Variants in NCKIPSD observed in about 807,000 individuals in gnomAD.
The protein encoded by NCKIPSD is NCK interacting protein with SH3 domain.
A neutral mutation model predicts 73.4 loss-of-function variants in NCKIPSD; 48 were observed. That is an observed-to-expected ratio of 0.65 (90% CI 0.52 to 0.83). The LOEUF (loss-of-function observed/expected upper bound fraction) is 0.83. Among genes scored for constraint, NCKIPSD ranks in the 40% least tolerant of loss-of-function variants. NCKIPSD has a pLI of 0.00. For missense variants in NCKIPSD, 884 were observed against 970.2 expected (o/e 0.91, Z 1.18); for synonymous variants, 422 against 403.6 (o/e 1.05, Z -0.54).
Position 48,681,579 on chromosome 3 carries a change from G to T in NCKIPSD, c.800C>A (p.Ala267Glu). The T allele has an allele frequency of 6.2e-7, 1 of 1,614,038 alleles. No homozygotes were observed. The highest frequency in any genetic ancestry group is 8.5e-7 in the Non-Finnish European group (1 of 1,180,036). The change falls in exon 5 of 13, where the codon GCA (alanine) becomes GAA (glutamate). Residue 267 changes from alanine to glutamate, a missense_variant. Ala to Glu is a moderately radical substitution (Grantham distance 107). Transcript: ENST00000294129. ...QVQPPPSKASAPEPPAEEEVA... is the reference protein window; with the variant it reads ...QVQPPPSKASEPEPPAEEEVA... ...TTCTTCTTCTGCAGGGGGTTCAGGT[G>T]CTGATGCCTTGGAGGGAGGGGGCTG...
chr3:48,677,522 T>C (rs1172743488), intron 12 of NCKIPSD, among the ~76,000 whole-genome samples: 3 of 152,104 alleles, frequency 2.0e-5, no homozygotes, highest in Non-Finnish European at 4.4e-5. Flanking sequence ...CATTTACTGC[T>C]TCCAACCCTC....
rs891083688 is a variant in NCKIPSD, at chr3:48,685,813, C to T, written c.-6G>A. On this transcript the variant is annotated 5_prime_UTR_variant, in exon 1 of 13. Transcript: ENST00000294129. ...GCGTACAGCGCGCGGTACATGAGGC[C>T]GGGCAGGGCAGGTGCAGGGAAGGTG... 4.1e-6 allele frequency: 6 copies of T among 1,475,274 alleles called. No homozygotes were observed. Among genetic ancestry groups the T allele is most frequent in the Admixed American group, 4.9e-5 (2 of 40,792 alleles). 91.4% of individuals were successfully genotyped at this position (1,475,274 alleles called of 1,614,324 possible). A position where few individuals can be genotyped will look rare whatever the true frequency, so the allele number is the denominator to read the frequency against.
At position 48,683,026 on chromosome 3, in the gene NCKIPSD, G is replaced by A. The variant is rs1054670457; in HGVS notation, c.172-14C>T. ...CTGCTCCAGGCCCTGGGGGGGGCAG[G>A]GGACAGCAGTTAGACCTGAAGGCCA... On this transcript the variant is annotated splice_polypyrimidine_tract_variant and intron_variant, in intron 1 of 12. Coordinates refer to ENST00000294129, the MANE Select transcript of NCKIPSD (RefSeq NM_016453.4). 1.3e-6 allele frequency: 2 copies of A among 1,548,972 alleles called. No individual in the cohort carries two copies. Among genetic ancestry groups the A allele is most frequent in the African/African-American group, 1.4e-5 (1 of 73,010 alleles).
Position 48,678,723 on chromosome 3 carries a change from G to A in NCKIPSD, c.1806C>T (p.Arg602=), listed in dbSNP as rs773850093. The part of the protein sequence containing the change: ...LLLNRGDDPV[R]IFKHEPQPPH... ...GTGGCTGTGGCTCATGTTTGAAGATGCGCACAGGGTCATCTAGGAGGCAGG... is the reference window on the plus strand; with the variant it reads ...GTGGCTGTGGCTCATGTTTGAAGATACGCACAGGGTCATCTAGGAGGCAGG... Residue 602 remains arginine, a synonymous_variant, in exon 12 of 13, where the codon CGC becomes CGT. Transcript: ENST00000294129. 2 of 1,613,720 alleles carry A rather than the reference G, an allele frequency of 1.2e-6. No homozygotes were observed. The highest frequency in any genetic ancestry group is 3.3e-5 in the Admixed American group (2 of 59,976).
chr3:48,684,955 AAGGTTGGTAGAGACTT>A (rs1398602793), intron 1 of NCKIPSD, among the ~76,000 whole-genome samples: 2 of 151,794 alleles, frequency 1.3e-5, no homozygotes, highest in Non-Finnish European at 2.9e-5. Context: ...TGGTTCAAAT[AAGGTTGGTAGAGACTT>A]AAGAAGAGCT....
Position 48,679,666 on chromosome 3 carries a change from G to A in NCKIPSD, c.1398C>T (p.Ala466=). Reference sequence around the variant, plus strand: ...TGATGGCTGCATCCAGGCTGCACATGGCGCCAAAGCACTTGAGGAGCAGCA... The same window carrying A: ...TGATGGCTGCATCCAGGCTGCACATAGCGCCAAAGCACTTGAGGAGCAGCA... ...LRLLLLKCFG[A]MCSLDAAIIS... Residue 466 remains alanine, a synonymous_variant, in exon 8 of 13, where the codon GCC becomes GCT. Coordinates refer to ENST00000294129, the MANE Select transcript of NCKIPSD (RefSeq NM_016453.4). 6.2e-7 allele frequency: 1 copy of A among 1,614,198 alleles called. No individual in the cohort carries two copies. Among genetic ancestry groups the A allele is most frequent in the Non-Finnish European group, 8.5e-7 (1 of 1,180,042 alleles).
chr3:48,679,080 A>C lies in NCKIPSD; in HGVS notation c.1674T>G (p.Leu558=). 1 of 1,614,094 alleles carries C rather than the reference A, an allele frequency of 6.2e-7. No individual in the cohort carries two copies. Among genetic ancestry groups the C allele is most frequent in the East Asian group, 2.2e-5 (1 of 44,870 alleles). Residue 558 remains leucine (L), a synonymous_variant, in exon 10 of 13, where the codon CTT becomes CTG. Transcript: ENST00000294129. ...EQLPDLCVNL[L]LALNLHLPAA... Reference sequence around the variant, plus strand: ...CTGGCAGGTGCAGGTTGAGAGCCAGAAGCAGGTTCACGCAGAGGTCCGGCA... The same window carrying C: ...CTGGCAGGTGCAGGTTGAGAGCCAGCAGCAGGTTCACGCAGAGGTCCGGCA...
Position 48,685,757 on chromosome 3 carries a change from C to G in NCKIPSD, c.51G>C (p.Ala17=). 1 of 1,532,960 alleles carries G rather than the reference C, an allele frequency of 6.5e-7. No individual in the cohort carries two copies. The highest frequency in any genetic ancestry group is 1.2e-5 in the South Asian group (1 of 83,624). 95.0% of individuals were successfully genotyped at this position (1,532,960 alleles called of 1,614,324 possible). A position where few individuals can be genotyped will look rare whatever the true frequency, so the allele number is the denominator to read the frequency against. ...AFRSAEPNAL[A]FAAGETFLVL... is the part of the protein sequence containing the mutation. ...CCAGGAAGGTCTCGCCCGCGGCGAACGCCAGCGCGTTGGGCTCCGCCGAGC... is the reference window on the plus strand; with the variant it reads ...CCAGGAAGGTCTCGCCCGCGGCGAAGGCCAGCGCGTTGGGCTCCGCCGAGC... The change falls in exon 1 of 13, where the codon GCG becomes GCC. Residue 17 remains alanine, a synonymous_variant. Coordinates refer to ENST00000294129, the MANE Select transcript of NCKIPSD (RefSeq NM_016453.4).
intron 1 of NCKIPSD, among the ~76,000 whole-genome samples, chr3:48,684,228 G>A (rs1307636028): frequency 4.6e-5 from 7 of 152,106 alleles, no homozygotes; most frequent in Non-Finnish European, 7.4e-5. Context: ...AAAGAGACAC[G>A]CAGAAAGAAA....
Position 48,674,117 on chromosome 3 carries a change from A to C in NCKIPSD, c.*427T>G. On this transcript the variant is annotated 3_prime_UTR_variant, in exon 13 of 13. Transcript: ENST00000294129. Reference sequence around the variant, plus strand: ...GAGGACATGAGCAGCACTCACTGCAAAGCTAAGGCAAAGAATAGAGCTGGT... The same window carrying C: ...GAGGACATGAGCAGCACTCACTGCACAGCTAAGGCAAAGAATAGAGCTGGT... 1 of 1,114,164 alleles carries C rather than the reference A, an allele frequency of 9.0e-7. No homozygotes were observed. Among genetic ancestry groups the C allele is most frequent in the Non-Finnish European group, 1.1e-6 (1 of 908,178 alleles). The allele number at this position is 1,114,164 out of a possible 1,614,324, so 69.0% of individuals were successfully genotyped here. A position where few individuals can be genotyped will look rare whatever the true frequency, so the allele number is the denominator to read the frequency against.
In NCKIPSD at chr3:48,682,136, C is replaced by G. The variant is rs1374408714; in HGVS notation, c.507G>C (p.Gln169His). ...GLYQIPLPSS[Q>H]IPPQPRRAAP... ...CTGCTCGGCGAGGCTGTGGTGGGAT[C>G]TGGGAAGATGGAAGTGGGATCTGGA... Residue 169 changes from glutamine to histidine, a missense_variant, in exon 4 of 13, where the codon CAG (glutamine) becomes CAC (histidine). Physicochemically the swap from Gln to His is conservative, Grantham distance 24. Coordinates refer to ENST00000294129, the MANE Select transcript of NCKIPSD (RefSeq NM_016453.4). 1 of 1,598,552 alleles carries G rather than the reference C, an allele frequency of 6.3e-7. No homozygotes were observed. Among genetic ancestry groups the G allele is most frequent in the Non-Finnish European group, 8.5e-7 (1 of 1,178,942 alleles).
At chr3:48,682,274 T>A in intron 3 of NCKIPSD, 74 bp downstream of exon 3, 1 of 1,592,946 alleles carries the variant, frequency 6.3e-7, no homozygotes, top group Non-Finnish European at 8.6e-7. Flanking sequence ...CACTCCTGAG[T>A]GGACCCCTTG....
At chr3:48,679,234 G>A (rs768759223) in intron 9 of NCKIPSD, 51 bp from the exon 10 acceptor site, 24 of 1,434,564 alleles carry the variant, frequency 1.7e-5, no homozygotes, top group African/African-American at 8.7e-5. Context: ...TCCGACCCCC[G>A]CACCACCCAC....
rs1428374475 is a variant in NCKIPSD at position 48,682,554 on chromosome 3, T to C, written c.282-2A>G. 6.2e-7 allele frequency: 1 copy of C among 1,613,712 alleles called. No homozygotes were observed. Among genetic ancestry groups the C allele is most frequent in the Non-Finnish European group, 8.5e-7 (1 of 1,179,872 alleles). On this transcript the variant is annotated splice_acceptor_variant, in intron 2 of 12. Transcript: ENST00000294129. LOFTEE classifies it high-confidence loss of function. ...TCTTTCCGGTGGTGGATCAGCTTCCTGATGGAAGGACAGGAAGACTATTGG... is the reference window on the plus strand; with the variant it reads ...TCTTTCCGGTGGTGGATCAGCTTCCCGATGGAAGGACAGGAAGACTATTGG...
chr3:48,675,528 G>GATATATAT (rs5848856), intron 12 of NCKIPSD, among the ~76,000 whole-genome samples: 14 of 122,292 alleles, frequency 1.1e-4, no homozygotes, highest in Admixed American at 2.6e-4. Flanking sequence ...ATATATATAT[G>GATATATAT]ATATATATAT....
rs369921862 is a variant in NCKIPSD at position 48,678,754 on chromosome 3, T to C, written c.1793-18A>G. The C allele has an allele frequency of 9.1e-5, 146 of 1,612,008 alleles. No individual in the cohort carries two copies. Among genetic ancestry groups the C allele is most frequent in the Admixed American group, 3.0e-4 (18 of 59,902 alleles). The stretch of plus-strand genomic sequence containing the variant: ...AGGGTCATCTAGGAGGCAGGGGTCA[T>C]AGCGGTCAGGGTGGACCTTGTGGGG... On this transcript the variant is annotated intron_variant, in intron 11 of 12. Coordinates refer to ENST00000294129, the MANE Select transcript of NCKIPSD (RefSeq NM_016453.4).
intron 12 of NCKIPSD, among the ~76,000 whole-genome samples, chr3:48,675,534 T>TATATATC (rs2077242199): frequency 7.1e-6 from 1 of 141,018 alleles, no homozygotes; most frequent in African/African-American, 2.7e-5. Context: ...ATATGATATA[T>TATATATC]ATATATATAT....
Position 48,681,474 on chromosome 3 carries a change from G to C in NCKIPSD, c.905C>G (p.Ala302Gly). The C allele has an allele frequency of 6.2e-7, 1 of 1,614,156 alleles. No homozygotes were observed. The change falls in exon 5 of 13, where the codon GCA becomes GGA. Residue 302 changes from alanine to glycine, a missense_variant. Coordinates refer to ENST00000294129, the MANE Select transcript of NCKIPSD (RefSeq NM_016453.4). ...CCTGGGCACAGCCGCCTCAGCTGCT[G>C]CCTTCTCCTCTGTGGTCCCCAGGCT... ...TLSLGTTEEK[A>G]AAEAAVPRTI...
At chr3:48,683,197 G>A (rs1047277109) in intron 1 of NCKIPSD, among the ~76,000 whole-genome samples, 185 bp from the exon 2 acceptor site, 3 of 152,232 alleles carry the variant, frequency 2.0e-5, no homozygotes, top group African/African-American at 7.2e-5. Flanking sequence ...TCAGGGAGCT[G>A]AGGCACAGGG....
Sources: allele counts gnomAD v4.1 joint callset (sites outside exome capture counted in the v4.1 genomes callset), GRCh38; gene constraint gnomAD v4.1.1; transcripts MANE v1.5; gene names NCBI Gene and HGNC (gene_info 2026-07-23, HGNC 2026-07-21).